Variants in C4orf51 observed in about 807,000 individuals in gnomAD.
C4orf51 encodes chromosome 4 open reading frame 51, also known as uncharacterized protein C4orf51.
Under a neutral mutation model 25.2 loss-of-function variants are expected in C4orf51, and 25 were observed. That is an observed-to-expected ratio of 0.99 (90% CI 0.72 to 1.39). C4orf51 has a LOEUF of 1.39. C4orf51 is among the 40% of genes most tolerant of loss of function. The probability of loss-of-function intolerance (pLI) is 0.00; values close to 1 mark genes in which losing one functional copy is unlikely to be tolerated. For synonymous variants in C4orf51, 100 were observed against 84.5 expected (o/e 1.18, Z -1.01); for missense variants, 252 against 239.6 (o/e 1.05, Z -0.34).
At chr4:145,686,145 A>G (rs961020612) in intron 1 of C4orf51, among the ~76,000 whole-genome samples, 1 of 152,220 alleles carries the variant, frequency 6.6e-6, no homozygotes, top group Non-Finnish European at 1.5e-5. Context: ...GCTTTATGCT[A>G]AGTGAATAAA....
chr4:145,729,591 A>C (rs550932131), intron 4 of C4orf51, among the ~76,000 whole-genome samples: 1 of 152,048 alleles, frequency 6.6e-6, no homozygotes, highest in East Asian at 1.9e-4. Context: ...GTGAGCCACC[A>C]TGCCCGGTCC....
intron 1 of C4orf51, among the ~76,000 whole-genome samples, chr4:145,683,547 G>GA (rs1728960002): frequency 1.3e-5 from 2 of 152,170 alleles, no homozygotes; most frequent in African/African-American, 4.8e-5. Flanking sequence ...ATTGGTGAGA[G>GA]AACAGATCAA....
chr4:145,693,177 C>CGGCCTT (rs1729726124), intron 1 of C4orf51, among the ~76,000 whole-genome samples: 1 of 148,642 alleles, frequency 6.7e-6, no homozygotes, highest in East Asian at 2.0e-4. Context: ...GAGGACCCTG[C>CGGCCTT]GGCCTTCCGC....
chr4:145,764,631 A>G (rs1203982748), intron 1 of C4orf51: 1 of 229,590 alleles, frequency 4.4e-6, no homozygotes, highest in Non-Finnish European at 8.6e-6. Flanking sequence ...AATCTCGGTC[A>G]CAGTATGATT....
the C4orf51 span, among the ~76,000 whole-genome samples, chr4:145,776,278 G>A: frequency 1.3e-5 from 2 of 151,918 alleles, no homozygotes; most frequent in African/African-American, 2.4e-5. Context: ...GCATCACAGC[G>A]AGACTCCATC....
At chr4:145,747,349 A>G (rs1237553541) in intron 1 of C4orf51, among the ~76,000 whole-genome samples, 1 of 150,080 alleles carries the variant, frequency 6.7e-6, no homozygotes, top group African/African-American at 2.4e-5. Flanking sequence ...TATGGCTCTA[A>G]TTATGTTGAG....
rs1017526492 is a variant in C4orf51, at chr4:145,751,250, C to A, written n.168-2957C>A. Among the ~76,000 whole-genome samples the A allele has an allele frequency of 2.6e-4, 40 of 152,060 alleles. 1 individual carries two copies. Among genetic ancestry groups the A allele is most frequent in the African/African-American group, 9.4e-4 (39 of 41,412 alleles). ...TGAAGAGTTAGGTATTTATTTTAGT[C>A]TTTGTAGTCTGGGCTTGTTTGTACC... is the stretch of plus-strand genomic sequence containing the variant. On this transcript the variant is annotated intron_variant and non_coding_transcript_variant, in intron 1 of 1. Coordinates refer to the C4orf51 transcript ENST00000508981.
chr4:145,681,857 G>T (rs1728858874), intron 1 of C4orf51, among the ~76,000 whole-genome samples: 1 of 152,092 alleles, frequency 6.6e-6, no homozygotes, highest in South Asian at 2.1e-4. Flanking sequence ...CCTCTTATTA[G>T]TCCTTACCTC....
downstream of C4orf51, among the ~76,000 whole-genome samples, chr4:145,735,266 C>T (rs1394685531): frequency 6.6e-6 from 1 of 152,130 alleles, no homozygotes; most frequent in Non-Finnish European, 1.5e-5. Flanking sequence ...AGTAGGGTTT[C>T]CGAGGTGCCA....
intron 1 of C4orf51, chr4:145,759,661 A>T (rs921601230): frequency 1.4e-4 from 21 of 152,202 alleles, no homozygotes; most frequent in Non-Finnish European, 2.6e-4. Context: ...TCCATAAAAA[A>T]GGTACATTTT....
chr4:145,729,458 C>T (rs896884254), intron 4 of C4orf51, among the ~76,000 whole-genome samples: 2 of 151,886 alleles, frequency 1.3e-5, no homozygotes, highest in Non-Finnish European at 1.5e-5. Flanking sequence ...CCCGCCACCA[C>T]ACCCGGCTAA....
chr4:145,781,195 C>CAAAAAAAAAAGAAAAAAAAAAAAAAAAGA, the C4orf51 span, among the ~76,000 whole-genome samples: 1 of 56,546 alleles, frequency 1.8e-5, no homozygotes, highest in African/African-American at 8.0e-5. Context: ...GACACCATCT[C>CAAAAAAAAAAGAAAAAAAAAAAAAAAAGA]AAAAAAAAAA....
chr4:145,732,531 T>C lies in C4orf51; in HGVS notation c.580T>C (p.Trp194Arg), dbSNP rs1359988765. ...AGCTGATCGATACTCCGATTATGGC[T>C]GGGGAGGACCCTCATCGCCATTTAA... ...SEADRYSDYG[W>R]GGPSSPFN The change falls in exon 6 of 6, where the codon TGG (tryptophan) becomes CGG (arginine). Residue 194 changes from tryptophan (W) to arginine (R), a missense_variant. By Grantham distance (101) the Trp-to-Arg change is moderately radical. Transcript: ENST00000438731. The C allele has an allele frequency of 3.1e-6, 5 of 1,610,364 alleles. No individual in the cohort carries two copies. In the African/African-American group the frequency reaches 5.3e-5, roughly 17 times the overall value.
chr4:145,763,244 G>T lies in C4orf51; in HGVS notation n.167-7744G>T. On this transcript the variant is annotated intron_variant and non_coding_transcript_variant, in intron 1 of 1. Transcript: ENST00000510096. This position sits in a 1 kb window ranked among gnomAD's most constrained non-coding sequence, Gnocchi z 4.6. ...ACATCAGCAGTCTGTTTCATTTTAA[G>T]GACATTTCTGTGACCCACAGCTCAA... 1 of 1,005,132 alleles carries T rather than the reference G, an allele frequency of 9.9e-7. No individual in the cohort carries two copies. Among genetic ancestry groups the T allele is most frequent in the Non-Finnish European group, 1.4e-6 (1 of 692,340 alleles). 62.3% of individuals were successfully genotyped at this position (1,005,132 alleles called of 1,614,324 possible). A position where few individuals can be genotyped will look rare whatever the true frequency, so the allele number is the denominator to read the frequency against.
At chr4:145,779,616 G>C in the C4orf51 span, 2 of 1,446,672 alleles carry the variant, frequency 1.4e-6, no homozygotes, top group Non-Finnish European at 1.9e-6. Context: ...GAAGAATGTG[G>C]CTAGTAATTG....
chr4:145,721,211 G>A (rs1731720567), intron 2 of C4orf51, among the ~76,000 whole-genome samples: 1 of 151,916 alleles, frequency 6.6e-6, no homozygotes, highest in African/African-American at 2.4e-5. Flanking sequence ...CAGGTGTGGT[G>A]GTGGGCGCCT....
downstream of C4orf51, among the ~76,000 whole-genome samples, chr4:145,754,624 T>G (rs148879197): frequency 3.3e-5 from 5 of 152,208 alleles, no homozygotes; most frequent in African/African-American, 1.2e-4. Context: ...GCATGGAGAG[T>G]TAGCTCTAAC....
intron 1 of C4orf51, chr4:145,760,864 G>T: frequency 8.2e-7 from 1 of 1,219,656 alleles, no homozygotes; most frequent in Non-Finnish European, 1.0e-6. Flanking sequence ...CGCAGTCTGA[G>T]GTCGGGGAGG....
intron 2 of C4orf51, among the ~76,000 whole-genome samples, chr4:145,719,310 A>G (rs1474853599): frequency 1.3e-5 from 2 of 152,198 alleles, no homozygotes; most frequent in Admixed American, 1.3e-4. Flanking sequence ...CATAGTGTAT[A>G]GAAGCAACCT....
Sources: gnomAD v4.1 joint callset for allele counts (sites outside exome capture counted in the v4.1 genomes callset) on GRCh38, gnomAD v4.1.1 for gene constraint, Gnocchi (gnomAD v3.1) non-coding constraint, MANE v1.5 for transcripts, NCBI Gene and HGNC (gene_info 2026-07-23, HGNC 2026-07-21) for gene names.